DCC: variants seen among roughly 807,000 people sequenced by gnomAD.
DCC encodes the protein netrin receptor DCC.
DCC carries 58 observed loss-of-function variants against 172.5 expected under a neutral mutation model. That is an observed-to-expected ratio of 0.34 (90% CI 0.27 to 0.42). The LOEUF (loss-of-function observed/expected upper bound fraction) is 0.42, where lower values mean the gene tolerates loss of function less well. Ranked by LOEUF, DCC falls within the 10% of genes least tolerant of loss-of-function variation. The probability of loss-of-function intolerance (pLI) is 1.00; values close to 1 mark genes in which losing one functional copy is unlikely to be tolerated. For missense variants in DCC, 1,740 were observed against 1,791.0 expected, an observed-to-expected ratio of 0.97 and a Z score of 0.51; for synonymous variants, 709 against 644.5, an observed-to-expected ratio of 1.10 and a Z score of -1.52.
chr18:52,602,357 C>T (rs1211744254), intron 1 of DCC, among the ~76,000 whole-genome samples: 1 of 150,786 alleles, frequency 6.6e-6, no homozygotes. Flanking sequence ...CTTATGATTG[C>T]TAATTTTCTC....
chr18:52,608,863 G>T (rs1329403397), intron 1 of DCC, among the ~76,000 whole-genome samples: 1 of 152,122 alleles, frequency 6.6e-6, no homozygotes, highest in Non-Finnish European at 1.5e-5. Context: ...GTTGCCATCT[G>T]CCCTGAGATA....
chr18:52,685,561 G>A (rs74581224), intron 1 of DCC, among the ~76,000 whole-genome samples: 5,837 of 152,082 alleles, frequency 0.038, 140 homozygotes, highest in Middle Eastern at 0.12. Context: ...GTAACTTCTC[G>A]TTGTGGCAGG....
intron 8 of DCC, among the ~76,000 whole-genome samples, chr18:53,177,165 T>A (rs1480915009): frequency 1.4e-5 from 2 of 148,082 alleles, no homozygotes; most frequent in Non-Finnish European, 3.0e-5. Context: ...AATATCACAC[T>A]CTGGGGACTG....
chr18:53,111,358 C>A (rs574968064), intron 7 of DCC, among the ~76,000 whole-genome samples: 1 of 149,570 alleles, frequency 6.7e-6, no homozygotes, highest in East Asian at 2.0e-4. Context: ...ATGTAACTAA[C>A]CTGCACATTG....
chr18:52,701,638 C>T (rs1428462783), intron 1 of DCC, among the ~76,000 whole-genome samples: 1 of 152,136 alleles, frequency 6.6e-6, no homozygotes, highest in Non-Finnish European at 1.5e-5. Flanking sequence ...AAACAGTGCC[C>T]ATATGAATGG....
chr18:52,813,309 G>A (rs1168626894), intron 2 of DCC, among the ~76,000 whole-genome samples: 1 of 149,256 alleles, frequency 6.7e-6, no homozygotes, highest in African/African-American at 2.5e-5. Context: ...GATGTTATAG[G>A]TGAAAACATC....
chr18:53,217,236 G>T (rs2055865255), intron 12 of DCC, among the ~76,000 whole-genome samples: 1 of 148,842 alleles, frequency 6.7e-6, no homozygotes, highest in Admixed American at 6.8e-5. Context: ...GGAATTCCTG[G>T]ATTGCAAAAT....
intron 14 of DCC, among the ~76,000 whole-genome samples, chr18:53,323,417 T>C (rs1247830592): frequency 6.6e-6 from 1 of 152,244 alleles, no homozygotes. Flanking sequence ...TGTGACTGCA[T>C]ATTAATTCAA....
intron 15 of DCC, among the ~76,000 whole-genome samples, chr18:53,352,184 C>T (rs2057820345): frequency 6.6e-6 from 1 of 151,980 alleles, no homozygotes; most frequent in Admixed American, 6.6e-5. Flanking sequence ...TATAATCCAG[C>T]TACATAGGAC....
In DCC at chr18:53,157,472, C is replaced by A. The variant is rs771133942; in HGVS notation, c.1378C>A (p.Gln460Lys). ...RPPAEAKGNIQTFTVFFSREG... is the reference protein window; with the variant it reads ...RPPAEAKGNIKTFTVFFSREG... Reference sequence around the variant, plus strand: ...ACCTGCAGAAGCGAAAGGGAACATTCAAACTTTCACGGTCTTTTTCTCCAG... The same window carrying A: ...ACCTGCAGAAGCGAAAGGGAACATTAAAACTTTCACGGTCTTTTTCTCCAG... Residue 460 changes from glutamine to lysine, a missense_variant, in exon 8 of 29, where the codon CAA becomes AAA. Gln to Lys is a moderately conservative substitution (Grantham distance 53, BLOSUM62 1). Transcript: ENST00000442544. 6.2e-7 allele frequency: 1 copy of A among 1,614,138 alleles called. No homozygotes were observed. Among genetic ancestry groups the A allele is most frequent in the South Asian group, 1.1e-5 (1 of 91,080 alleles).
chr18:52,484,331 C>T (rs1190398037), intron 1 of DCC, among the ~76,000 whole-genome samples: 1 of 152,054 alleles, frequency 6.6e-6, no homozygotes, highest in Non-Finnish European at 1.5e-5. Flanking sequence ...GTCATACCTC[C>T]TCTGGCCATT....
chr18:52,554,349 T>C (rs1170164512), intron 1 of DCC, among the ~76,000 whole-genome samples: 1 of 152,152 alleles, frequency 6.6e-6, no homozygotes, highest in African/African-American at 2.4e-5. Flanking sequence ...CTTCTGAAAC[T>C]CATAGATGAC....
chr18:53,523,459 G>A (rs906521443), intron 27 of DCC, among the ~76,000 whole-genome samples: 6 of 152,106 alleles, frequency 3.9e-5, no homozygotes, highest in Non-Finnish European at 8.8e-5. Context: ...ACAAGCACAC[G>A]TATGTTTACT....
chr18:52,844,102 A>G (rs1463420859), intron 2 of DCC, among the ~76,000 whole-genome samples: 1 of 152,162 alleles, frequency 6.6e-6, no homozygotes, highest in Non-Finnish European at 1.5e-5. Context: ...TGAACACCCC[A>G]TAGGGTCATT....
chr18:52,743,353 C>T (rs2036853632), intron 1 of DCC, among the ~76,000 whole-genome samples: 2 of 152,134 alleles, frequency 1.3e-5, no homozygotes, highest in African/African-American at 2.4e-5. Flanking sequence ...AGGCTCAAAC[C>T]CAGGGCAGAT....
intron 12 of DCC, among the ~76,000 whole-genome samples, chr18:53,250,073 T>A (rs976962087): frequency 6.6e-6 from 1 of 151,978 alleles, no homozygotes; most frequent in African/African-American, 2.4e-5. Context: ...TTAATACATC[T>A]TAAAAATCAG....
At chr18:52,944,927 G>T (rs182951516) in intron 5 of DCC, among the ~76,000 whole-genome samples, 30 of 152,204 alleles carry the variant, frequency 2.0e-4, no homozygotes, top group Admixed American at 1.8e-3. Flanking sequence ...TGTTTATGAA[G>T]GCAGATAAAT....
intron 1 of DCC, among the ~76,000 whole-genome samples, chr18:52,690,673 A>C (rs534449050): frequency 5.1e-4 from 78 of 152,288 alleles, no homozygotes; most frequent in African/African-American, 1.6e-3. Flanking sequence ...TAAGGTTCAG[A>C]GAGACCAAGT....
intron 2 of DCC, among the ~76,000 whole-genome samples, chr18:52,776,270 A>C (rs1217828236): frequency 6.6e-6 from 1 of 151,658 alleles, no homozygotes; most frequent in East Asian, 1.9e-4. Context: ...TTTATAAACC[A>C]ATAAAAGAAA....
Sources: gnomAD v4.1 joint callset for allele counts (sites outside exome capture counted in the v4.1 genomes callset) on GRCh38, gnomAD v4.1.1 for gene constraint, MANE v1.5 for transcripts, NCBI Gene and HGNC (gene_info 2026-07-23, HGNC 2026-07-21) for gene names.